Variants in MYH8 observed in about 807,000 individuals in gnomAD.
MYH8 encodes myosin heavy chain 8, also known as myosin-8.
In MYH8, 168 loss-of-function variants were observed where a neutral mutation model predicts 233.2. The observed-to-expected ratio is 0.72, with a 90% CI of 0.64 to 0.82. The LOEUF (loss-of-function observed/expected upper bound fraction) is 0.82, where lower values mean the gene tolerates loss of function less well. Among genes scored for constraint, MYH8 ranks in the 40% least tolerant of loss-of-function variants. The pLI, the probability that MYH8 is intolerant of heterozygous loss-of-function variation, is 0.00. For missense variants in MYH8, 1,995 were observed against 2,327.8 expected (o/e 0.86, Z 2.94); for synonymous variants, 785 against 850.6 (o/e 0.92, Z 1.34).
chr17:10,408,665 T>G (rs1362597414), intron 17 of MYH8, among the ~76,000 whole-genome samples: 1 of 152,206 alleles, frequency 6.6e-6, no homozygotes, highest in African/African-American at 2.4e-5. Context: ...AATGAAAAAT[T>G]AAATTCACCT....
rs774245279 is a variant in MYH8, at chr17:10,398,889, A to G, written c.3863-3T>C. 17 of 1,609,034 alleles carry G rather than the reference A, an allele frequency of 1.1e-5. No individual in the cohort carries two copies. The highest frequency in any genetic ancestry group is 1.4e-5 in the Non-Finnish European group (16 of 1,178,104). On this transcript the variant is annotated splice_polypyrimidine_tract_variant and splice_region_variant and intron_variant, in intron 28 of 39. Coordinates refer to ENST00000403437, the MANE Select transcript of MYH8 (RefSeq NM_002472.3). ...ATCTAATTGTCGAGAATATTCACCT[A>G]GGAATAATAGACATAAGGGAATTTT... is the stretch of plus-strand genomic sequence containing the variant.
Position 10,409,088 on chromosome 17 carries a change from G to A in MYH8, c.1965+9C>T. On this transcript the variant is annotated intron_variant, in intron 17 of 39. Coordinates refer to ENST00000403437, the MANE Select transcript of MYH8 (RefSeq NM_002472.3). ...TGAGTAGATATTTCAAATTAAATTT[G>A]TACTTTACCCTGAAAAGGGCAGACA... The A allele has an allele frequency of 6.2e-7, 1 of 1,611,580 alleles. No homozygotes were observed. Among genetic ancestry groups the A allele is most frequent in the Non-Finnish European group, 8.5e-7 (1 of 1,177,796 alleles).
Position 10,393,059 on chromosome 17 carries a change from G to T in MYH8, c.5292+26C>A, listed in dbSNP as rs777179030. ...ACTTGATGATAGCAGGTGCATACGT[G>T]TCAGTAGGCCAAATGTTCATCTTAC... On this transcript the variant is annotated intron_variant, in intron 36 of 39. Coordinates refer to ENST00000403437, the MANE Select transcript of MYH8 (RefSeq NM_002472.3). 3.7e-6 allele frequency: 6 copies of T among 1,614,232 alleles called. No homozygotes were observed. The South Asian group carries it at 6.6e-5, about 18-fold the overall frequency.
chr17:10,403,668 A>G (rs1199044776), intron 22 of MYH8, among the ~76,000 whole-genome samples: 4 of 152,148 alleles, frequency 2.6e-5, no homozygotes, highest in African/African-American at 9.7e-5. Flanking sequence ...AAAGTGGGAA[A>G]ACTATCCTTT....
rs201064047 is a variant in MYH8, at chr17:10,406,709, A to G, written c.2152T>C (p.Tyr718His). 2.1e-4 allele frequency: 332 copies of G among 1,614,016 alleles called. No individual in the cohort carries two copies. The highest frequency in any genetic ancestry group is 2.6e-4 in the Non-Finnish European group (306 of 1,179,914). Residue 718 changes from tyrosine to histidine, a missense_variant, in exon 19 of 40, where the codon TAT (tyrosine) becomes CAT (histidine). Coordinates refer to ENST00000403437, the MANE Select transcript of MYH8 (RefSeq NM_002472.3). ...CRKGFPSRIL[Y>H]GDFKQRYKVL... ...ACTGACCTTTGTTTGAAATCACCAT[A>G]TAAGATTCTGCTTGGGAATCCTTTC...
Position 10,414,218 on chromosome 17 carries a change from C to CATTG in MYH8, c.981_982insCAAT (p.Asp328GlnfsTer2). On this transcript the variant is annotated frameshift_variant, in exon 11 of 40. Transcript: ENST00000403437. LOFTEE classifies it high-confidence loss of function. ...TCAGTGGCCATCAACTCTTCTTGGT[C>CATTG]ATCAATACTGGGAACTGTGATCTCC... The CATTG allele has an allele frequency of 6.2e-7, 1 of 1,614,112 alleles. No individual in the cohort carries two copies.
intron 9 of MYH8, 69 bp from the exon 10 acceptor site, chr17:10,414,553 C>A: frequency 2.9e-6 from 3 of 1,050,688 alleles, no homozygotes; most frequent in African/African-American, 1.6e-5. Flanking sequence ...ATGAACCTCA[C>A]GTCTTTGGTC....
intron 5 of MYH8, among the ~76,000 whole-genome samples, chr17:10,416,046 C>G (rs1567689852): frequency 1.3e-5 from 2 of 152,196 alleles, no homozygotes; most frequent in Non-Finnish European, 2.9e-5. Context: ...CACCCTTCAT[C>G]TCCGTAATTC....
At chr17:10,412,331 A>G (rs763921576) in intron 14 of MYH8, 39 bp downstream of exon 14, 34 of 1,614,056 alleles carry the variant, frequency 2.1e-5, no homozygotes, top group Non-Finnish European at 2.9e-5. Flanking sequence ...ATCAAAGCCC[A>G]CAATTGCCTC....
At chr17:10,407,943 A>ATT (rs746935901) in intron 17 of MYH8, among the ~76,000 whole-genome samples, 99 of 140,770 alleles carry the variant, frequency 7.0e-4, no homozygotes, top group African/African-American at 2.3e-3. Context: ...AAGAAGGCAG[A>ATT]TTTTTTTTTT....
intron 17 of MYH8, among the ~76,000 whole-genome samples, chr17:10,408,634 C>T (rs1014740571): frequency 1.3e-5 from 2 of 152,122 alleles, no homozygotes; most frequent in African/African-American, 2.4e-5. Flanking sequence ...CTGGGCTTGG[C>T]TTTAGATGAT....
chr17:10,418,965 G>T lies in MYH8; in HGVS notation c.276C>A (p.Asp92Glu), dbSNP rs1405863935. 1 of 1,613,766 alleles carries T rather than the reference G, an allele frequency of 6.2e-7. No individual in the cohort carries two copies. Among genetic ancestry groups the T allele is most frequent in the Non-Finnish European group, 8.5e-7 (1 of 1,179,934 alleles). ...MNPPKYDKIE[D>E]MAMMTHLHEP... ...CGTGTAGATGAGTCATCATGGCCAT[G>T]TCCTCAATTTTGTCATATTTCGGAG... is the stretch of plus-strand genomic sequence containing the variant. Residue 92 changes from aspartate (D) to glutamate (E), a missense_variant, in exon 4 of 40, where the codon GAC becomes GAA. By Grantham distance (45) the Asp-to-Glu change is conservative (BLOSUM62 2). This residue lies in a region of MYH8 where 479 missense variants were observed against 600.9 expected (regional missense o/e 0.80). Coordinates refer to ENST00000403437, the MANE Select transcript of MYH8 (RefSeq NM_002472.3).
chr17:10,390,668 A>G lies in MYH8; in HGVS notation c.5665-65T>C, dbSNP rs192774238. 2.5e-5 allele frequency: 39 copies of G among 1,555,638 alleles called. 1 individual carries two copies. In the Admixed American group the frequency reaches 6.5e-4, roughly 26 times the overall value. ...GTTCTCATTGCACTTATCACCAGAC[A>G]GGATTAGTTCCTCAAATCAGGTATT... On this transcript the variant is annotated intron_variant, in intron 39 of 39. Transcript: ENST00000403437.
chr17:10,407,099 A>C, intron 17 of MYH8, 120 bp from the exon 18 acceptor site: 2 of 783,386 alleles, frequency 2.6e-6, no homozygotes, highest in East Asian at 5.3e-5. Context: ...TGAGGCTTCA[A>C]TTGCTCTGTA....
At chr17:10,402,156 G>GTA (rs200451270) in intron 22 of MYH8, among the ~76,000 whole-genome samples, 51 of 151,264 alleles carry the variant, frequency 3.4e-4, no homozygotes, top group South Asian at 1.7e-3. Flanking sequence ...TCAATTTTGT[G>GTA]TATATATATA....
intron 22 of MYH8, among the ~76,000 whole-genome samples, chr17:10,403,015 T>C (rs1414907275): frequency 6.6e-6 from 1 of 152,214 alleles, no homozygotes; most frequent in Non-Finnish European, 1.5e-5. Flanking sequence ...GTGTTTTTGT[T>C]TGCTTTTGTT....
At chr17:10,416,795 C>A (rs903830441) in intron 5 of MYH8, among the ~76,000 whole-genome samples, 2 of 152,120 alleles carry the variant, frequency 1.3e-5, no homozygotes, top group Non-Finnish European at 2.9e-5. Context: ...AATTTTATAT[C>A]ATCTATACCT....
Position 10,398,822 on chromosome 17 carries a change from T to C in MYH8, c.3927A>G (p.Gln1309=). ...GCTCTTCAATCTGCTGAGTAGATGC[T>C]TGCTTGCTCCTTGAAAGCTGAGAGA... is the stretch of plus-strand genomic sequence containing the variant. ...ALVSQLSRSK[Q]ASTQQIEELK... Residue 1309 remains glutamine (Q), a synonymous_variant, in exon 29 of 40, where the codon CAA becomes CAG. Coordinates refer to ENST00000403437, the MANE Select transcript of MYH8 (RefSeq NM_002472.3). The C allele has an allele frequency of 6.2e-7, 1 of 1,614,002 alleles. No individual in the cohort carries two copies. Among genetic ancestry groups the C allele is most frequent in the Non-Finnish European group, 8.5e-7 (1 of 1,180,006 alleles).
At position 10,392,916 on chromosome 17, in the gene MYH8, A is replaced by C. The variant is rs2072042203; in HGVS notation, c.5378T>G (p.Val1793Gly). 4 of 1,613,620 alleles carry C rather than the reference A, an allele frequency of 2.5e-6. No individual in the cohort carries two copies. The highest frequency in any genetic ancestry group is 3.4e-6 in the Non-Finnish European group (4 of 1,179,884). ...ERMKKNLEQT[V>G]KDLQHRLDEA... is the part of the protein sequence containing the mutation. ...ATCTAGACGATGCTGCAGGTCCTTCACCGTCTGCTCCAGGTTCTTCTTCAT... is the reference window on the plus strand; with the variant it reads ...ATCTAGACGATGCTGCAGGTCCTTCCCCGTCTGCTCCAGGTTCTTCTTCAT... The change falls in exon 37 of 40, where the codon GTG (valine) becomes GGG (glycine). Residue 1793 changes from valine to glycine, a missense_variant. Coordinates refer to ENST00000403437, the MANE Select transcript of MYH8 (RefSeq NM_002472.3).
Sources: gnomAD v4.1 joint callset for allele counts (sites outside exome capture counted in the v4.1 genomes callset) on GRCh38, gnomAD v4.1.1 for gene constraint, gnomAD v4.1.1 regional missense constraint, MANE v1.5 for transcripts, NCBI Gene and HGNC (gene_info 2026-07-23, HGNC 2026-07-21) for gene names.